Variants in BAIAP2L1 observed in about 807,000 individuals in gnomAD.
BAIAP2L1 encodes the protein BAR/IMD domain-containing adapter protein 2-like 1.
Under a neutral mutation model 66.3 loss-of-function variants are expected in BAIAP2L1, and 35 were observed. The ratio of observed to expected loss-of-function variants is 0.53; its 90% CI spans 0.40 to 0.70. The LOEUF (loss-of-function observed/expected upper bound fraction) is 0.70, where lower values mean the gene tolerates loss of function less well. Ranked by LOEUF, BAIAP2L1 falls within the 30% of genes least tolerant of loss-of-function variation. The pLI, the probability that BAIAP2L1 is intolerant of heterozygous loss-of-function variation, is 0.00. For synonymous variants in BAIAP2L1, 269 were observed against 248.7 expected (o/e 1.08, Z -0.77); for missense variants, 622 against 656.9 (o/e 0.95, Z 0.58).
rs775026520 is a variant in BAIAP2L1 at position 98,320,260 on chromosome 7, G to A, written c.253C>T (p.Leu85Phe). ...LIEISSTHKK[L>F]NESLDENFKK... ...ACATTTTCATCAAGACTCTCGTTGA[G>A]TTTCTTGTGGGTACTTGAAATCTCT... The change falls in exon 4 of 14, where the codon CTC becomes TTC. Residue 85 changes from leucine (L) to phenylalanine (F), a missense_variant. Leu to Phe is a conservative substitution (Grantham distance 22). Coordinates refer to ENST00000005260, the MANE Select transcript of BAIAP2L1 (RefSeq NM_018842.5). 3.1e-6 allele frequency: 5 copies of A among 1,609,906 alleles called. No individual in the cohort carries two copies. Among genetic ancestry groups the A allele is most frequent in the Non-Finnish European group, 4.2e-6 (5 of 1,177,292 alleles).
At chr7:98,397,223 CTG>C (rs1296595411) in intron 1 of BAIAP2L1, among the ~76,000 whole-genome samples, 3 of 143,466 alleles carry the variant, frequency 2.1e-5, no homozygotes, top group Non-Finnish European at 3.1e-5. Flanking sequence ...TGAAAGGCTT[CTG>C]TGATATCTCC....
At chr7:98,367,058 A>ATTTT (rs71292948) in intron 1 of BAIAP2L1, among the ~76,000 whole-genome samples, 2 of 144,522 alleles carry the variant, frequency 1.4e-5, no homozygotes, top group Non-Finnish European at 3.0e-5. Context: ...AGGTAATTAA[A>ATTTT]TTTTTTTTTT....
rs1043836905 is a variant in BAIAP2L1 at position 98,400,897 on chromosome 7, C to T, written c.-45G>A. 6.8e-5 allele frequency: 103 copies of T among 1,504,828 alleles called. No homozygotes were observed. The highest frequency in any genetic ancestry group is 8.0e-5 in the Non-Finnish European group (90 of 1,127,928). The allele number at this position is 1,504,828 out of a possible 1,614,324, so 93.2% of individuals were successfully genotyped here. Reference sequence around the variant, plus strand: ...GCAAGCGCGGGAGGACGCGGCTGGGCCTCGTGGCCGCCGGACTCCGGGCAG... The same window carrying T: ...GCAAGCGCGGGAGGACGCGGCTGGGTCTCGTGGCCGCCGGACTCCGGGCAG... On this transcript the variant is annotated 5_prime_UTR_variant, in exon 1 of 14. Coordinates refer to ENST00000005260, the MANE Select transcript of BAIAP2L1 (RefSeq NM_018842.5).
intron 12 of BAIAP2L1, among the ~76,000 whole-genome samples, chr7:98,295,711 G>A (rs1800161490): frequency 6.6e-6 from 1 of 152,042 alleles, no homozygotes. Context: ...TGCAGCTTAT[G>A]CTAGGGGAAG....
At position 98,294,076 on chromosome 7, in the gene BAIAP2L1, G is replaced by A. The variant is rs140846982; in HGVS notation, c.1458C>T (p.Leu486=). ...DANGTAKPPF[L]SGENPFATVK... ...CTCACGTAGGAAGCCACGCCTACCT[G>A]AGAAAAGGCGGCTTTGCAGTCCCGT... Residue 486 remains leucine (L), a splice_region_variant and synonymous_variant, in exon 13 of 14, where the codon CTC becomes CTT. Transcript: ENST00000005260. The A allele has an allele frequency of 1.2e-5, 19 of 1,613,980 alleles. No homozygotes were observed. The highest frequency in any genetic ancestry group is 2.2e-5 in the East Asian group (1 of 44,898).
intron 2 of BAIAP2L1, 29 bp from the exon 3 acceptor site, chr7:98,355,157 G>C: frequency 6.7e-7 from 1 of 1,494,170 alleles, no homozygotes; most frequent in Non-Finnish European, 9.3e-7. Flanking sequence ...ACACAAAATC[G>C]TCACTTAGAC....
chr7:98,296,225 G>C (rs1353827050), intron 12 of BAIAP2L1, among the ~76,000 whole-genome samples: 1 of 152,266 alleles, frequency 6.6e-6, no homozygotes, highest in African/African-American at 2.4e-5. Context: ...GCCATGCTGG[G>C]TGATCGTGGG....
At chr7:98,354,045 G>A (rs1257561292) in intron 3 of BAIAP2L1, among the ~76,000 whole-genome samples, 1 of 151,862 alleles carries the variant, frequency 6.6e-6, no homozygotes, top group African/African-American at 2.4e-5. Context: ...TCGCAGTACT[G>A]ACTTATTCAC....
At position 98,293,477 on chromosome 7, in the gene BAIAP2L1, C is replaced by G; in HGVS notation, c.*44G>C. 1.3e-6 allele frequency: 2 copies of G among 1,574,758 alleles called. No homozygotes were observed. Among genetic ancestry groups the G allele is most frequent in the South Asian group, 2.2e-5 (2 of 90,388 alleles). Reference sequence around the variant, plus strand: ...CAGACAGGATGCGCCCATCATTCCGCAAGGGAGAACCGGAGAGGCCCGGGA... The same window carrying G: ...CAGACAGGATGCGCCCATCATTCCGGAAGGGAGAACCGGAGAGGCCCGGGA... On this transcript the variant is annotated 3_prime_UTR_variant, in exon 14 of 14. Transcript: ENST00000005260.
rs57716972 is a variant in BAIAP2L1 at position 98,401,054 on chromosome 7, C to G, written c.-202G>C. 15 of 414,378 alleles carry G rather than the reference C, an allele frequency of 3.6e-5. No homozygotes were observed. The highest frequency in any genetic ancestry group is 6.7e-5 in the South Asian group (1 of 14,898). The allele number at this position is 414,378 out of a possible 1,614,324, so 25.7% of individuals were successfully genotyped here. A position where few individuals can be genotyped will look rare whatever the true frequency, so the allele number is the denominator to read the frequency against. On this transcript the variant is annotated 5_prime_UTR_variant, in exon 1 of 14. Coordinates refer to ENST00000005260, the MANE Select transcript of BAIAP2L1 (RefSeq NM_018842.5). Reference sequence around the variant, plus strand: ...GCGGCAGCGCCGCCCTGGCCTTCTTCGAGGAGCAGAGGAGAAGCGGCCGGA... The same window carrying G: ...GCGGCAGCGCCGCCCTGGCCTTCTTGGAGGAGCAGAGGAGAAGCGGCCGGA...
chr7:98,293,778 T>C (rs1229658063), intron 13 of BAIAP2L1, among the ~76,000 whole-genome samples, 182 bp from the exon 14 acceptor site: 1 of 152,234 alleles, frequency 6.6e-6, no homozygotes, highest in Non-Finnish European at 1.5e-5. Context: ...TCCTACACCA[T>C]ACCACCTGCT....
chr7:98,336,901 G>T (rs1039678992), intron 3 of BAIAP2L1, among the ~76,000 whole-genome samples: 3 of 152,124 alleles, frequency 2.0e-5, no homozygotes, highest in African/African-American at 7.2e-5. Context: ...CCCCAGCTTT[G>T]CTCCTTACCT....
chr7:98,386,693 G>GTTTTTTTTTTTTTTTTTTTTTTTTT, intron 1 of BAIAP2L1: 1 of 155,918 alleles, frequency 6.4e-6, no homozygotes, highest in Non-Finnish European at 1.1e-5. Flanking sequence ...CTTTCCAAAG[G>GTTTTTTTTTTTTTTTTTTTTTTTTT]TTTTTTTTTT....
intron 12 of BAIAP2L1, among the ~76,000 whole-genome samples, chr7:98,303,630 G>A (rs930232456): frequency 1.3e-5 from 2 of 152,192 alleles, no homozygotes; most frequent in Non-Finnish European, 2.9e-5. Flanking sequence ...CAGGGCCTCT[G>A]TGCGGTGGCG....
intron 9 of BAIAP2L1, chr7:98,309,033 A>T (rs1800774147): frequency 6.6e-6 from 1 of 151,930 alleles, no homozygotes; most frequent in Non-Finnish European, 1.5e-5. Flanking sequence ...AGCATCTTTA[A>T]TTTAAAACAA....
rs1280194390 is a variant in BAIAP2L1, at chr7:98,292,556, G to A, written c.*965C>T. ...TCCAGCCCCGGGCTCAGGGCAGCCAGTGCGTAGTCCTCACATCCATACCAT... is the reference window on the plus strand; with the variant it reads ...TCCAGCCCCGGGCTCAGGGCAGCCAATGCGTAGTCCTCACATCCATACCAT... On this transcript the variant is annotated 3_prime_UTR_variant, in exon 14 of 14. Transcript: ENST00000005260. The A allele has an allele frequency of 1.5e-6, 2 of 1,345,138 alleles. No homozygotes were observed. Among genetic ancestry groups the A allele is most frequent in the Non-Finnish European group, 2.1e-6 (2 of 960,256 alleles). 83.3% of individuals were successfully genotyped at this position (1,345,138 alleles called of 1,614,324 possible).
At chr7:98,313,972 C>A (rs914583313) in intron 7 of BAIAP2L1, among the ~76,000 whole-genome samples, 1 of 137,864 alleles carries the variant, frequency 7.3e-6, no homozygotes, top group South Asian at 2.2e-4. Context: ...CTGAATACTC[C>A]TTTTTCTTCC....
intron 12 of BAIAP2L1, among the ~76,000 whole-genome samples, chr7:98,294,527 C>T (rs1040709452): frequency 2.6e-5 from 4 of 152,246 alleles, no homozygotes; most frequent in South Asian, 4.1e-4. Context: ...GTGAACGAGC[C>T]GCCTGCTAAA....
At position 98,400,957 on chromosome 7, in the gene BAIAP2L1, G is replaced by A. The variant is rs778344216; in HGVS notation, c.-105C>T. 26 of 1,073,486 alleles carry A rather than the reference G, an allele frequency of 2.4e-5. No individual in the cohort carries two copies. Among genetic ancestry groups the A allele is most frequent in the Non-Finnish European group, 2.9e-5 (24 of 819,524 alleles). 66.5% of individuals were successfully genotyped at this position (1,073,486 alleles called of 1,614,324 possible). On this transcript the variant is annotated 5_prime_UTR_variant, in exon 1 of 14. Coordinates refer to ENST00000005260, the MANE Select transcript of BAIAP2L1 (RefSeq NM_018842.5). ...CGGGGCGCGACTAAGGGGCTCTGGA[G>A]GGTCGGCCGCCGCCGCAGCCGTCGG...
Sources: allele counts gnomAD v4.1 joint callset (sites outside exome capture counted in the v4.1 genomes callset), GRCh38; gene constraint gnomAD v4.1.1; transcripts MANE v1.5; gene names NCBI Gene and HGNC (gene_info 2026-07-23, HGNC 2026-07-21).